The following TTC7B variants were observed in gnomAD, a reference collection of about 807,000 sequenced individuals.
The protein encoded by TTC7B is tetratricopeptide repeat domain 7B.
A neutral mutation model predicts 106.8 loss-of-function variants in TTC7B; 28 were observed. The ratio of observed to expected loss-of-function variants is 0.26; its 90% CI spans 0.19 to 0.36. The LOEUF (loss-of-function observed/expected upper bound fraction) is 0.36. TTC7B is among the 10% of genes least tolerant of loss of function. The pLI is 1.00. For missense variants in TTC7B, 862 were observed against 1,076.4 expected, an observed-to-expected ratio of 0.80 and a Z score of 2.79; for synonymous variants, 405 against 430.6, an observed-to-expected ratio of 0.94 and a Z score of 0.74.
chr14:90,691,736 ATTAT>A (rs1049833001), intron 6 of TTC7B, among the ~76,000 whole-genome samples: 1 of 152,226 alleles, frequency 6.6e-6, no homozygotes, highest in African/African-American at 2.4e-5. Flanking sequence ...CACCACTTTA[ATTAT>A]TTAAAGTGTA....
intron 1 of TTC7B, among the ~76,000 whole-genome samples, chr14:90,809,707 C>T (rs1444232009): frequency 2.6e-5 from 4 of 152,258 alleles, no homozygotes; most frequent in Non-Finnish European, 2.9e-5. Context: ...TCATGAAAGC[C>T]GAGCCAATTC....
intron 9 of TTC7B, among the ~76,000 whole-genome samples, chr14:90,675,497 G>T (rs767217300): frequency 6.6e-6 from 1 of 152,156 alleles, no homozygotes; most frequent in Admixed American, 6.5e-5. Flanking sequence ...GCCGCATGTG[G>T]TGGGGGCATC....
chr14:90,782,230 C>T (rs1241820664), intron 2 of TTC7B, among the ~76,000 whole-genome samples: 1 of 151,994 alleles, frequency 6.6e-6, no homozygotes, highest in Non-Finnish European at 1.5e-5. Context: ...TTATGGGTGG[C>T]CCAAGGGAGA....
intron 19 of TTC7B, among the ~76,000 whole-genome samples, chr14:90,558,063 C>T (rs934699470): frequency 3.3e-5 from 5 of 152,246 alleles, no homozygotes; most frequent in African/African-American, 7.2e-5. Flanking sequence ...ACCGTCGGCA[C>T]TCGATAGATG....
At chr14:90,568,022 C>T (rs1413068040) in intron 19 of TTC7B, among the ~76,000 whole-genome samples, 1 of 152,202 alleles carries the variant, frequency 6.6e-6, no homozygotes, top group Non-Finnish European at 1.5e-5. Context: ...TGGGGAGTCT[C>T]TGGGACCAGC....
chr14:90,749,269 T>G (rs1226168685), intron 3 of TTC7B, among the ~76,000 whole-genome samples: 1 of 152,146 alleles, frequency 6.6e-6, no homozygotes, highest in Non-Finnish European at 1.5e-5. Flanking sequence ...TTGAAAAACA[T>G]CCAGCCATTT....
rs770487963 is a variant in TTC7B, at chr14:90,578,208, G to A, written c.2208C>T (p.Arg736=). Residue 736 remains arginine, a synonymous_variant, in exon 19 of 20, where the codon CGC becomes CGT. Transcript: ENST00000328459. The surrounding 1 kb of genome is among the most constrained non-coding windows in gnomAD (Gnocchi z 4.7). ...FPMSHNVLYM[R]GQIAELRGSM... is the part of the protein sequence containing the mutation. ...TTCCCCGGAGCTCAGCAATCTGGCC[G>A]CGCATGTAGAGGACATTGTGGGACA... 1.9e-5 allele frequency: 30 copies of A among 1,614,100 alleles called. No individual in the cohort carries two copies. The highest frequency in any genetic ancestry group is 1.6e-4 in the East Asian group (7 of 44,890).
intron 19 of TTC7B, among the ~76,000 whole-genome samples, chr14:90,572,007 G>C (rs1328320258): frequency 6.6e-6 from 1 of 152,146 alleles, no homozygotes; most frequent in Non-Finnish European, 1.5e-5. Flanking sequence ...AAAACATGGT[G>C]CCAACTAAGA....
At chr14:90,743,748 A>T (rs1045409022) in intron 4 of TTC7B, among the ~76,000 whole-genome samples, 4 of 151,180 alleles carry the variant, frequency 2.6e-5, no homozygotes, top group African/African-American at 9.8e-5. Context: ...AGCTTCATGA[A>T]GTAGGAACTA....
intron 18 of TTC7B, among the ~76,000 whole-genome samples, chr14:90,592,480 G>A (rs543520558): frequency 6.6e-6 from 1 of 152,292 alleles, no homozygotes; most frequent in South Asian, 2.1e-4. Context: ...AGGCCAAGGT[G>A]GACGGATCAC....
At chr14:90,690,653 T>C (rs1324647653) in intron 6 of TTC7B, among the ~76,000 whole-genome samples, 1 of 152,232 alleles carries the variant, frequency 6.6e-6, no homozygotes, top group Non-Finnish European at 1.5e-5. Flanking sequence ...GGTAGTTCAC[T>C]CTACCCATGA....
chr14:90,678,521 A>T (rs936971823), intron 8 of TTC7B, among the ~76,000 whole-genome samples: 1 of 152,258 alleles, frequency 6.6e-6, no homozygotes, highest in Non-Finnish European at 1.5e-5. Flanking sequence ...AGGCAATTTC[A>T]TTTAGATTTC....
intron 15 of TTC7B, among the ~76,000 whole-genome samples, chr14:90,636,571 C>T (rs1291133651): frequency 1.3e-5 from 2 of 151,276 alleles, no homozygotes; most frequent in Non-Finnish European, 3.0e-5. Flanking sequence ...ACTAATAAAA[C>T]ATATAAAAAT....
chr14:90,685,955 T>A (rs1398098419), intron 7 of TTC7B, among the ~76,000 whole-genome samples: 1 of 152,100 alleles, frequency 6.6e-6, no homozygotes, highest in Non-Finnish European at 1.5e-5. Flanking sequence ...CTCCACAAAC[T>A]CTTTCAAAAA....
intron 3 of TTC7B, among the ~76,000 whole-genome samples, chr14:90,753,534 A>G (rs918516665): frequency 7.9e-5 from 12 of 152,352 alleles, no homozygotes; most frequent in African/African-American, 2.9e-4. Context: ...AGATAGACTT[A>G]GCTCAATAGG....
Position 90,746,681 on chromosome 14 carries a change from C to T in TTC7B, c.446-1759G>A, listed in dbSNP as rs12589226. Among the ~76,000 whole-genome samples, 1,576 of 152,082 alleles carry T rather than the reference C, an allele frequency of 0.01. 51 individuals carry two copies. The East Asian group carries it at 0.12, about 12-fold the overall frequency. ...GAGGTGGAAATTATTAATTTTGGAC[C>T]TTTTTATTTACTAATATAGGTATTT... On this transcript the variant is annotated intron_variant, in intron 3 of 19. Transcript: ENST00000328459.
chr14:90,651,454 T>C (rs901558373), intron 13 of TTC7B, among the ~76,000 whole-genome samples: 1 of 152,242 alleles, frequency 6.6e-6, no homozygotes, highest in Non-Finnish European at 1.5e-5. Flanking sequence ...GAAGTTATAC[T>C]GGCAGCTCAA....
chr14:90,674,541 C>T (rs919390747), intron 9 of TTC7B, among the ~76,000 whole-genome samples: 1 of 152,228 alleles, frequency 6.6e-6, no homozygotes, highest in Non-Finnish European at 1.5e-5. Flanking sequence ...GCCACAGCTG[C>T]TTGTCACACC....
intron 9 of TTC7B, among the ~76,000 whole-genome samples, chr14:90,664,500 A>C (rs987280862): frequency 7.2e-5 from 11 of 152,024 alleles, no homozygotes; most frequent in African/African-American, 2.7e-4. Flanking sequence ...TGGACTCCTG[A>C]CCTCAGGCAA....
Sources: gnomAD v4.1 joint callset for allele counts (sites outside exome capture counted in the v4.1 genomes callset) on GRCh38, gnomAD v4.1.1 for gene constraint, Gnocchi (gnomAD v3.1) non-coding constraint, MANE v1.5 for transcripts, NCBI Gene and HGNC (gene_info 2026-07-23, HGNC 2026-07-21) for gene names.